Variants in DLG3 observed in about 807,000 individuals in gnomAD.
DLG3 encodes the protein disks large homolog 3.
In DLG3, 1 loss-of-function variant was observed where a neutral mutation model predicts 64.1. The ratio of observed to expected loss-of-function variants is 0.02; its 90% CI spans 0.01 to 0.07. The LOEUF is 0.07. DLG3 is among the 10% of genes least tolerant of loss of function. The pLI is 1.00. For synonymous variants in DLG3, 245 were observed against 259.8 expected, an observed-to-expected ratio of 0.94 and a Z score of 0.55; for missense variants, 429 against 669.5, an observed-to-expected ratio of 0.64 and a Z score of 3.96.
chrX:70,479,929 C>T (rs908510147), intron 10 of DLG3, among the ~76,000 whole-genome samples: 2 of 111,776 alleles, frequency 1.8e-5, no homozygotes, highest in Non-Finnish European at 1.9e-5. Context: ...ACCCTTGAGG[C>T]ATAGCTTAAT....
At position 70,456,122 on chromosome X, in the gene DLG3, C is replaced by CA. The variant is rs1351874755; in HGVS notation, c.1405+1809dup. The CA allele has an allele frequency of 1.5e-4, 17 of 112,297 alleles. 1 individual carries two copies. Among genetic ancestry groups the CA allele is most frequent in the Admixed American group, 1.5e-3 (16 of 10,639 alleles). The allele number at this position is 112,297 out of a possible 1,213,427, so 9.3% of individuals were successfully genotyped here. A position where few individuals can be genotyped will look rare whatever the true frequency, so the allele number is the denominator to read the frequency against. ...TCTGAGGTAATGAGAAAGAGGGATG[C>CA]AAATGGACACTTTGAGTCATTTCTC... On this transcript the variant is annotated intron_variant, in intron 9 of 18. Transcript: ENST00000374360.
At chrX:70,447,375 T>C (rs911895583) in intron 1 of DLG3, among the ~76,000 whole-genome samples, 3 of 112,139 alleles carry the variant, frequency 2.7e-5, no homozygotes, top group African/African-American at 9.7e-5. Context: ...AAGGCAGCTG[T>C]GTTGGTTTCG....
At chrX:70,450,837 G>A (rs1411517283) in intron 6 of DLG3, 54 bp downstream of exon 6, 2 of 1,196,167 alleles carry the variant, frequency 1.7e-6, no homozygotes, top group African/African-American at 1.8e-5. Flanking sequence ...CCTGGTTTCT[G>A]GAGGGGAAGA....
chrX:70,470,053 C>G (rs1012490145), intron 9 of DLG3, among the ~76,000 whole-genome samples: 12 of 111,656 alleles, frequency 1.1e-4, no homozygotes, highest in Non-Finnish European at 1.5e-4. Context: ...AACTAAAACA[C>G]GAGCCATTAT....
At chrX:70,491,764 G>A (rs1055304759) in intron 10 of DLG3, among the ~76,000 whole-genome samples, 3 of 112,372 alleles carry the variant, frequency 2.7e-5, no homozygotes, top group Non-Finnish European at 3.8e-5. Context: ...CTGAGAAAGC[G>A]CCCTGCTAGA....
intron 9 of DLG3, among the ~76,000 whole-genome samples, chrX:70,473,445 T>C (rs1165492225): frequency 1.8e-5 from 2 of 111,602 alleles, no homozygotes; most frequent in African/African-American, 3.3e-5. Context: ...GTCTCTCTCT[T>C]AGCATTTTCT....
At chrX:70,476,997 T>C (rs995058997) in intron 9 of DLG3, among the ~76,000 whole-genome samples, 1 of 113,209 alleles carries the variant, frequency 8.8e-6, no homozygotes, top group Admixed American at 9.3e-5. Context: ...AGCGTATGCC[T>C]TAGAGCAATA....
In DLG3 at chrX:70,490,919, C is replaced by CT. The variant is rs1336516702; in HGVS notation, c.1521-1177dup. ...TGAAAAGTAGAAACTTTTTTTTTGG[C>CT]TTTTTTTTTTTGAGACAGAGTCTTG... is the stretch of plus-strand genomic sequence containing the variant. On this transcript the variant is annotated intron_variant, in intron 10 of 18. Transcript: ENST00000374360. Among the ~76,000 whole-genome samples, 380 of 104,206 alleles carry CT rather than the reference C, an allele frequency of 3.6e-3. 3 individuals carry two copies. Among genetic ancestry groups the CT allele is most frequent in the African/African-American group, 0.012 (333 of 28,917 alleles). The allele number at this position is 104,206 out of a possible 115,157, so 90.5% of individuals were successfully genotyped here.
intron 7 of DLG3, chrX:70,452,402 C>T (rs1812498722): frequency 2.1e-6 from 2 of 949,705 alleles, no homozygotes; most frequent in Non-Finnish European, 1.3e-6. Flanking sequence ...AGCAGTTCAG[C>T]CGGTGGGGCT....
At chrX:70,498,727 T>G (rs2087502344) in intron 14 of DLG3, among the ~76,000 whole-genome samples, 157 bp downstream of exon 14, 1 of 111,804 alleles carries the variant, frequency 8.9e-6, no homozygotes, top group Non-Finnish European at 1.9e-5. Flanking sequence ...TCTATGCTTC[T>G]TCCTAGTGTC....
At chrX:70,461,706 A>T (rs1303306543) in intron 9 of DLG3, among the ~76,000 whole-genome samples, 1 of 109,287 alleles carries the variant, frequency 9.2e-6, no homozygotes, top group African/African-American at 3.3e-5. Context: ...GATTACAGTC[A>T]CCCACCATCA....
At chrX:70,466,277 GT>G (rs2086885250) in intron 9 of DLG3, among the ~76,000 whole-genome samples, 1 of 107,620 alleles carries the variant, frequency 9.3e-6, no homozygotes. Context: ...GTGTGTGTGT[GT>G]GTGTGTGTGT....
chrX:70,495,441 G>A lies in DLG3; in HGVS notation c.1807G>A (p.Ala603Thr), dbSNP rs1447342613. ...FPGLSDDYYGAKNLKGQEDAI... is the reference protein window; with the variant it reads ...FPGLSDDYYGTKNLKGQEDAI... ...GGGGTTAAGTGACGATTATTATGGA[G>A]CAAAGAACCTGAGTAAGTCCAACTT... Residue 603 changes from alanine (A) to threonine (T), a missense_variant, in exon 13 of 19, where the codon GCA (alanine) becomes ACA (threonine). By Grantham distance (58) the Ala-to-Thr change is moderately conservative. This residue lies in a region of DLG3 where 46 missense variants were observed against 64.4 expected (regional missense o/e 0.71). Transcript: ENST00000374360. The A allele has an allele frequency of 1.7e-6, 2 of 1,210,285 alleles. No individual in the cohort carries two copies. Among genetic ancestry groups the A allele is most frequent in the Non-Finnish European group, 2.2e-6 (2 of 894,507 alleles).
intron 10 of DLG3, among the ~76,000 whole-genome samples, chrX:70,489,582 C>T (rs1443349565): frequency 1.8e-5 from 2 of 111,999 alleles, no homozygotes; most frequent in Non-Finnish European, 1.9e-5. Flanking sequence ...GGATTACAGG[C>T]GTGAGCCACC....
rs866000896 is a variant in DLG3, at chrX:70,496,007, C to G, written c.1819+554C>G. ...AGCACCTGTAAGGGGTTGAGCTGGT[C>G]TGCTAGGGGCCTCAGCATCATTTAT... On this transcript the variant is annotated intron_variant, in intron 13 of 18. Coordinates refer to ENST00000374360, the MANE Select transcript of DLG3 (RefSeq NM_021120.4). Among the ~76,000 whole-genome samples, 7 of 111,883 alleles carry G rather than the reference C, an allele frequency of 6.3e-5. No homozygotes were observed. The South Asian group carries it at 1.5e-3, about 24-fold the overall frequency.
rs776562185 is a variant in DLG3 at position 70,450,281 on chromosome X, A to G, written c.816A>G (p.Leu272=). 9.2e-6 allele frequency: 11 copies of G among 1,190,006 alleles called. No homozygotes were observed. The highest frequency in any genetic ancestry group is 1.8e-5 in the African/African-American group (1 of 56,584). The part of the protein sequence containing the change: ...EGGAAQKDGR[L]QIGDRLLAVN... ...GTGCTGCTCAGAAGGATGGACGCCT[A>G]CAGATTGGGGACCGGCTGCTGGCGG... Residue 272 remains leucine (L), a synonymous_variant, in exon 5 of 19, where the codon CTA becomes CTG. Coordinates refer to ENST00000374360, the MANE Select transcript of DLG3 (RefSeq NM_021120.4).
intron 9 of DLG3, among the ~76,000 whole-genome samples, chrX:70,457,159 G>A (rs1401880785): frequency 8.9e-6 from 1 of 112,040 alleles, no homozygotes; most frequent in Non-Finnish European, 1.9e-5. Context: ...GCATCAGAGG[G>A]TCAGCAAATC....
At chrX:70,462,276 G>A (rs1487358895) in intron 9 of DLG3, among the ~76,000 whole-genome samples, 1 of 71,003 alleles carries the variant, frequency 1.4e-5, no homozygotes, top group Non-Finnish European at 2.4e-5. Context: ...TTGAGACAGA[G>A]CCTCACTCTG....
chrX:70,450,841 G>A (rs2086609860), intron 6 of DLG3, 58 bp downstream of exon 6: 6 of 1,195,015 alleles, frequency 5.0e-6, no homozygotes, highest in Non-Finnish European at 6.8e-6. Context: ...GTTTCTGGAG[G>A]GGAAGAAGTT....
Sources: gnomAD v4.1 joint callset for allele counts (sites outside exome capture counted in the v4.1 genomes callset) on GRCh38, gnomAD v4.1.1 for gene constraint, gnomAD v4.1.1 regional missense constraint, MANE v1.5 for transcripts, NCBI Gene and HGNC (gene_info 2026-07-23, HGNC 2026-07-21) for gene names.